The following NFIB variants were observed in gnomAD, a reference collection of about 807,000 sequenced individuals.
The protein encoded by NFIB is nuclear factor 1 B-type.
Under a neutral mutation model 61.5 loss-of-function variants are expected in NFIB, and 11 were observed. The observed-to-expected ratio is 0.18, with a 90% CI of 0.11 to 0.30. The LOEUF (loss-of-function observed/expected upper bound fraction) is 0.30. Among genes scored for constraint, NFIB ranks in the 10% least tolerant of loss-of-function variants. The pLI, the probability that NFIB is intolerant of heterozygous loss-of-function variation, is 1.00. For missense variants in NFIB, 471 were observed against 608.9 expected (o/e 0.77, Z 2.38); for synonymous variants, 260 against 216.5 (o/e 1.20, Z -1.76).
At chr9:14,388,482 AG>A (rs2061581509) in intron 1 of NFIB, among the ~76,000 whole-genome samples, 1 of 150,894 alleles carries the variant, frequency 6.6e-6, no homozygotes, top group African/African-American at 2.4e-5. Flanking sequence ...AGAGAGAGAG[AG>A]AAAGAGAGAG....
the NFIB span, among the ~76,000 whole-genome samples, chr9:14,495,030 T>C: frequency 9.3e-4 from 141 of 152,352 alleles, no homozygotes; most frequent in Non-Finnish European, 1.6e-3. Flanking sequence ...AAGTCTTTAA[T>C]TGGAAAAACA....
intron 6 of NFIB, among the ~76,000 whole-genome samples, chr9:14,134,897 CAAAAAAAAAAAAA>C (rs57014530): frequency 1.1e-4 from 7 of 64,346 alleles, no homozygotes; most frequent in South Asian, 7.6e-4. Context: ...GACTCTGTCT[CAAAAAAAAAAAAA>C]AAAAAAAAAA....
rs1367221043 is a variant in NFIB, at chr9:14,313,874, G to A, written c.-363C>T. The A allele has an allele frequency of 1.8e-6, 2 of 1,126,106 alleles. No homozygotes were observed. The highest frequency in any genetic ancestry group is 2.2e-6 in the Non-Finnish European group (2 of 917,926). The allele number at this position is 1,126,106 out of a possible 1,614,324, so 69.8% of individuals were successfully genotyped here. Reference sequence around the variant, plus strand: ...AGTTGTTGTTGTTGTTGGGGTGTAGGGGGTGCGCGAAGGTTCGGTGTGGGT... The same window carrying A: ...AGTTGTTGTTGTTGTTGGGGTGTAGAGGGTGCGCGAAGGTTCGGTGTGGGT... On this transcript the variant is annotated 5_prime_UTR_variant, in exon 1 of 11. Transcript: ENST00000380953. This position sits in a 1 kb window ranked among gnomAD's most constrained non-coding sequence, Gnocchi z 4.5.
At chr9:14,418,354 C>A in the NFIB span, among the ~76,000 whole-genome samples, 1 of 152,184 alleles carries the variant, frequency 6.6e-6, no homozygotes, top group Admixed American at 6.5e-5. Flanking sequence ...ATGGCTCCCA[C>A]CATGCTGTTT....
the NFIB span, among the ~76,000 whole-genome samples, chr9:14,460,358 G>C: frequency 6.6e-6 from 1 of 150,746 alleles, no homozygotes; most frequent in African/African-American, 2.4e-5. Context: ...TCACAACCCG[G>C]GGCCTGTTGC....
At chr9:14,297,304 A>C (rs961698490) in intron 2 of NFIB, among the ~76,000 whole-genome samples, 2 of 152,226 alleles carry the variant, frequency 1.3e-5, no homozygotes, top group African/African-American at 2.4e-5. Flanking sequence ...CAGAAAGGCA[A>C]AAGAGATATT....
At chr9:14,316,364 G>A (rs1263115875), upstream of NFIB, among the ~76,000 whole-genome samples, 2 of 151,772 alleles carry the variant, frequency 1.3e-5, no homozygotes, top group African/African-American at 2.4e-5. Flanking sequence ...GAGTTCGGGA[G>A]GCCGGGGACG....
intron 1 of NFIB, among the ~76,000 whole-genome samples, chr9:14,389,508 A>G (rs1564052541): frequency 6.6e-6 from 1 of 152,228 alleles, no homozygotes; most frequent in African/African-American, 2.4e-5. Flanking sequence ...TACACTTTAA[A>G]TATTTTAAGC....
chr9:14,317,331 C>CA (rs1380214891), upstream of NFIB: 1 of 152,290 alleles, frequency 6.6e-6, no homozygotes, highest in East Asian at 1.9e-4. Flanking sequence ...GGCGAAGAAG[C>CA]AGCGTCAGAT....
intron 2 of NFIB, among the ~76,000 whole-genome samples, chr9:14,213,467 G>A (rs1423786003): frequency 6.6e-6 from 1 of 152,116 alleles, no homozygotes; most frequent in East Asian, 1.9e-4. Context: ...CAGAGTTTCT[G>A]GCCCATCCTC....
chr9:14,359,500 T>C (rs962036647), intron 1 of NFIB, among the ~76,000 whole-genome samples: 3 of 151,950 alleles, frequency 2.0e-5, no homozygotes, highest in Non-Finnish European at 4.4e-5. Context: ...AGAAACAAAA[T>C]CTCCCCCAGA....
chr9:14,384,109 T>C (rs952316874), intron 1 of NFIB, among the ~76,000 whole-genome samples: 1 of 152,176 alleles, frequency 6.6e-6, no homozygotes, highest in African/African-American at 2.4e-5. Context: ...TTCTTTTAAA[T>C]CCTTGTGTGG....
At chr9:14,322,012 T>C in intron 1 of NFIB, 1 of 1,229,274 alleles carries the variant, frequency 8.1e-7, no homozygotes, top group Non-Finnish European at 1.0e-6. Flanking sequence ...TGACTTGACG[T>C]GTCTCAGGTA....
chr9:14,481,287 G>C, the NFIB span, among the ~76,000 whole-genome samples: 1 of 140,770 alleles, frequency 7.1e-6, no homozygotes, highest in Admixed American at 7.4e-5. Context: ...GTTTTGCTCT[G>C]TCCTCCAGAG....
intron 1 of NFIB, among the ~76,000 whole-genome samples, chr9:14,388,206 C>T (rs959772466): frequency 6.6e-6 from 1 of 151,886 alleles, no homozygotes; most frequent in African/African-American, 2.4e-5. Flanking sequence ...GCATAATGTT[C>T]AGTAAGAAAA....
intron 2 of NFIB, among the ~76,000 whole-genome samples, chr9:14,207,905 G>C (rs547504162): frequency 6.6e-6 from 1 of 152,206 alleles, no homozygotes; most frequent in African/African-American, 2.4e-5. Flanking sequence ...AGGGCTAAAT[G>C]AGACTCAAGG....
chr9:14,372,618 C>G (rs1410500030), intron 1 of NFIB, among the ~76,000 whole-genome samples: 5 of 152,082 alleles, frequency 3.3e-5, no homozygotes, highest in African/African-American at 1.2e-4. Context: ...CAGACACTGA[C>G]CCATCTTGGC....
chr9:14,473,743 T>A, the NFIB span, among the ~76,000 whole-genome samples: 1 of 152,254 alleles, frequency 6.6e-6, no homozygotes. Context: ...CACACACAAA[T>A]GCACTTGCCT....
chr9:14,277,987 TGG>T (rs1439580976), intron 2 of NFIB, among the ~76,000 whole-genome samples: 3 of 152,172 alleles, frequency 2.0e-5, no homozygotes, highest in African/African-American at 7.2e-5. Context: ...TGATGATCTC[TGG>T]GGGAAGCTAT....
Sources: allele counts gnomAD v4.1 joint callset (sites outside exome capture counted in the v4.1 genomes callset), GRCh38; gene constraint gnomAD v4.1.1; non-coding constraint Gnocchi (gnomAD v3.1); transcripts MANE v1.5; gene names NCBI Gene and HGNC (gene_info 2026-07-23, HGNC 2026-07-21).